METTL16: variants seen among roughly 807,000 people sequenced by gnomAD.
METTL16 encodes the protein RNA N(6)-adenosine-methyltransferase METTL16.
In METTL16, 19 loss-of-function variants were observed where a neutral mutation model predicts 57.9. The ratio of observed to expected loss-of-function variants is 0.33; its 90% CI spans 0.23 to 0.48. METTL16 has a LOEUF of 0.48. Among genes scored for constraint, METTL16 ranks in the 20% least tolerant of loss-of-function variants. METTL16 has a pLI of 0.99. For synonymous variants in METTL16, 246 were observed against 255.6 expected (o/e 0.96, Z 0.36); for missense variants, 434 against 691.5 (o/e 0.63, Z 4.18).
Position 2,420,974 on chromosome 17 carries a change from G to C in METTL16, c.889-70C>G. ...ATAATTAAACCTCATGCATTGTAAT[G>C]AACTCAGAGAAAATTTCCACAACTT... On this transcript the variant is annotated intron_variant, in intron 8 of 9. Transcript: ENST00000263092. The surrounding 1 kb of genome is among the most constrained non-coding windows in gnomAD (Gnocchi z 5.4). 2 of 1,521,270 alleles carry C rather than the reference G, an allele frequency of 1.3e-6. No individual in the cohort carries two copies. Among genetic ancestry groups the C allele is most frequent in the Non-Finnish European group, 1.8e-6 (2 of 1,121,196 alleles). 94.2% of individuals were successfully genotyped at this position (1,521,270 alleles called of 1,614,324 possible).
chr17:2,493,493 C>T (rs553803493), intron 2 of METTL16, among the ~76,000 whole-genome samples: 4 of 151,864 alleles, frequency 2.6e-5, no homozygotes, highest in South Asian at 2.1e-4. Flanking sequence ...CCAAAGCGGG[C>T]GGATCACTTG....
At chr17:2,498,916 C>A (rs2067466774) in intron 2 of METTL16, among the ~76,000 whole-genome samples, 1 of 151,580 alleles carries the variant, frequency 6.6e-6, no homozygotes, top group Admixed American at 6.6e-5. Context: ...CCCAGCCACG[C>A]TTCACTTCTT....
At chr17:2,492,486 A>G (rs1427752294) in intron 2 of METTL16, among the ~76,000 whole-genome samples, 1 of 152,190 alleles carries the variant, frequency 6.6e-6, no homozygotes, top group African/African-American at 2.4e-5. Flanking sequence ...CTCAGTGTCC[A>G]TAGAATGCTA....
chr17:2,496,144 A>T (rs1010175057), intron 2 of METTL16, among the ~76,000 whole-genome samples: 1 of 151,514 alleles, frequency 6.6e-6, no homozygotes, highest in Non-Finnish European at 1.5e-5. Flanking sequence ...ACACAAAACA[A>T]AACAAAAAAA....
intron 6 of METTL16, among the ~76,000 whole-genome samples, chr17:2,449,360 T>C (rs945828807): frequency 2.0e-5 from 3 of 152,112 alleles, no homozygotes; most frequent in Admixed American, 2.0e-4. Context: ...ATGCAAAAGA[T>C]TTCAAGTAGC....
intron 2 of METTL16, among the ~76,000 whole-genome samples, chr17:2,480,686 A>T (rs2067299472): frequency 6.6e-6 from 1 of 152,254 alleles, no homozygotes; most frequent in East Asian, 1.9e-4. Context: ...GAAGTACACT[A>T]GACCCTGCTT....
At chr17:2,509,725 C>T (rs2067573905) in intron 1 of METTL16, among the ~76,000 whole-genome samples, 1 of 152,080 alleles carries the variant, frequency 6.6e-6, no homozygotes, top group African/African-American at 2.4e-5. Flanking sequence ...CCATCCTGGC[C>T]AACATAGTGA....
chr17:2,487,319 T>C (rs1307476881), intron 2 of METTL16, among the ~76,000 whole-genome samples: 1 of 152,080 alleles, frequency 6.6e-6, no homozygotes. Flanking sequence ...TGTGTAGAAA[T>C]AAACATGTAA....
At chr17:2,481,119 T>G (rs1054750915) in intron 2 of METTL16, among the ~76,000 whole-genome samples, 1 of 151,782 alleles carries the variant, frequency 6.6e-6, no homozygotes, top group Non-Finnish European at 1.5e-5. Flanking sequence ...GCTTGCAGAA[T>G]TGCTTGGACC....
At chr17:2,464,396 G>A (rs1240063580) in intron 5 of METTL16, 46 bp from the exon 6 acceptor site, 3 of 1,526,032 alleles carry the variant, frequency 2.0e-6, no homozygotes, top group Middle Eastern at 1.8e-4. Flanking sequence ...TACACCCCAA[G>A]AACCAAGTTT....
chr17:2,445,815 TAATAA>T (rs1567888409), intron 6 of METTL16, among the ~76,000 whole-genome samples: 1 of 150,832 alleles, frequency 6.6e-6, no homozygotes, highest in Non-Finnish European at 1.5e-5. Context: ...ATTTAAAAAA[TAATAA>T]AATAAAAGGT....
chr17:2,486,884 G>A (rs904213051), intron 2 of METTL16, among the ~76,000 whole-genome samples: 2 of 151,570 alleles, frequency 1.3e-5, no homozygotes, highest in Non-Finnish European at 2.9e-5. Context: ...AGGCGGGGGA[G>A]TGGGAGTAGG....
chr17:2,447,542 T>G (rs1395608959), intron 6 of METTL16, among the ~76,000 whole-genome samples: 38 of 114,086 alleles, frequency 3.3e-4, no homozygotes, highest in Non-Finnish European at 5.4e-4. Context: ...GAGGAGCCCC[T>G]CTGCCTGGCC....
chr17:2,446,717 C>G (rs1260529189), intron 6 of METTL16, among the ~76,000 whole-genome samples: 1 of 152,194 alleles, frequency 6.6e-6, no homozygotes, highest in Non-Finnish European at 1.5e-5. Flanking sequence ...CTGCCTGATT[C>G]TCCTGCCTCA....
intron 6 of METTL16, among the ~76,000 whole-genome samples, chr17:2,443,392 T>C (rs1257588230): frequency 6.6e-6 from 1 of 152,136 alleles, no homozygotes; most frequent in Admixed American, 6.6e-5. Flanking sequence ...AGAAATAATA[T>C]TAATTATATG....
intron 4 of METTL16, among the ~76,000 whole-genome samples, chr17:2,468,962 T>G (rs948654861): frequency 5.9e-5 from 9 of 151,814 alleles, no homozygotes; most frequent in Non-Finnish European, 1.3e-4. Context: ...GCGCCAGGCA[T>G]GGTGGCTCAT....
chr17:2,477,807 A>G lies in METTL16; in HGVS notation c.207T>C (p.Asp69=). The G allele has an allele frequency of 6.2e-7, 1 of 1,613,816 alleles. No individual in the cohort carries two copies. The highest frequency in any genetic ancestry group is 8.5e-7 in the Non-Finnish European group (1 of 1,179,672). Residue 69 remains aspartate, a synonymous_variant, in exon 3 of 10, where the codon GAT becomes GAC. Coordinates refer to ENST00000263092, the MANE Select transcript of METTL16 (RefSeq NM_024086.4). The stretch of plus-strand genomic sequence containing the variant: ...TGGGAATTAGTCTCTCCAATGGAAT[A>G]TCAATAGAAAGTCCAAAATCTTCCC... ...LLREDFGLSI[D]IPLERLIPTV...
intron 8 of METTL16, among the ~76,000 whole-genome samples, chr17:2,428,541 A>G (rs2066837787): frequency 3.8e-5 from 2 of 52,216 alleles, no homozygotes; most frequent in African/African-American, 8.2e-5. Flanking sequence ...AAAAAAAAAA[A>G]AAAAAAAAAA....
intron 1 of METTL16, among the ~76,000 whole-genome samples, chr17:2,507,627 A>G (rs1163396889): frequency 1.3e-5 from 2 of 151,998 alleles, no homozygotes; most frequent in Non-Finnish European, 2.9e-5. Flanking sequence ...TGGGTGGTGT[A>G]CCCAACAGCT....
Sources: allele counts gnomAD v4.1 joint callset (sites outside exome capture counted in the v4.1 genomes callset), GRCh38; gene constraint gnomAD v4.1.1; non-coding constraint Gnocchi (gnomAD v3.1); transcripts MANE v1.5; gene names NCBI Gene and HGNC (gene_info 2026-07-23, HGNC 2026-07-21).